IPO11: variants seen among roughly 807,000 people sequenced by gnomAD.
IPO11 encodes importin 11.
IPO11 carries 66 observed loss-of-function variants against 143.2 expected under a neutral mutation model. The ratio of observed to expected loss-of-function variants is 0.46; its 90% CI spans 0.38 to 0.57. The LOEUF (loss-of-function observed/expected upper bound fraction) is 0.57. Ranked by LOEUF, IPO11 falls within the 20% of genes least tolerant of loss-of-function variation. IPO11 has a pLI of 0.00. For synonymous variants in IPO11, 385 were observed against 377.8 expected, an observed-to-expected ratio of 1.02 and a Z score of -0.22; for missense variants, 1,026 against 1,141.0, an observed-to-expected ratio of 0.90 and a Z score of 1.45.
At chr5:62,464,056 T>A (rs765577758) in intron 5 of IPO11, among the ~76,000 whole-genome samples, 1 of 151,650 alleles carries the variant, frequency 6.6e-6, no homozygotes, top group African/African-American at 2.4e-5. Context: ...ACTCCTGACC[T>A]CAGGTGATCC....
chr5:62,459,913 A>G (rs1745297125), intron 5 of IPO11, among the ~76,000 whole-genome samples: 1 of 152,250 alleles, frequency 6.6e-6, no homozygotes, highest in Non-Finnish European at 1.5e-5. Flanking sequence ...TATTGTTAAG[A>G]ATACAGGTGT....
rs537641408 is a variant in IPO11 at position 62,597,431 on chromosome 5, G to A, written c.2679-4333G>A. Among the ~76,000 whole-genome samples, 5 of 152,304 alleles carry A rather than the reference G, an allele frequency of 3.3e-5. No homozygotes were observed. In the South Asian group the frequency reaches 8.3e-4, roughly 25 times the overall value. ...ATTGGTTCACAGTGTCTTCAGGGCT[G>A]TACCTGGTCAGATAATATTTATGAG... On this transcript the variant is annotated intron_variant, in intron 28 of 29. Coordinates refer to ENST00000325324, the MANE Select transcript of IPO11 (RefSeq NM_016338.5).
intron 29 of IPO11, among the ~76,000 whole-genome samples, chr5:62,605,443 C>T (rs756610744): frequency 3.9e-5 from 6 of 152,140 alleles, no homozygotes; most frequent in Non-Finnish European, 8.8e-5. Context: ...TCTCTCTCTA[C>T]CTTTCATTTC....
At position 62,490,377 on chromosome 5, in the gene IPO11, A is replaced by G. The variant is rs186788762; in HGVS notation, c.1463+157A>G. 5.9e-3 allele frequency among the ~76,000 whole-genome samples: 896 copies of G among 152,338 alleles called. 11 individuals are homozygous for G. The highest frequency in any genetic ancestry group is 0.02 in the African/African-American group (843 of 41,574). ...GAAAGGAATAAGAATTTTGACATCTAGGAAGTATTTGATATATCAGGTAGT... is the reference window on the plus strand; with the variant it reads ...GAAAGGAATAAGAATTTTGACATCTGGGAAGTATTTGATATATCAGGTAGT... On this transcript the variant is annotated intron_variant, in intron 15 of 29. Coordinates refer to ENST00000325324, the MANE Select transcript of IPO11 (RefSeq NM_016338.5).
intron 24 of IPO11, among the ~76,000 whole-genome samples, chr5:62,548,804 C>T (rs1214489237): frequency 6.6e-6 from 1 of 152,144 alleles, no homozygotes; most frequent in African/African-American, 2.4e-5. Context: ...CTTTCTCTGA[C>T]TTGAGTCAGT....
At chr5:62,423,543 A>C (rs1037831258) in intron 1 of IPO11, among the ~76,000 whole-genome samples, 2 of 152,224 alleles carry the variant, frequency 1.3e-5, no homozygotes, top group Admixed American at 1.3e-4. Flanking sequence ...ATGAACAGCA[A>C]CTTTAGTGAT....
At chr5:62,487,105 C>A (rs1335633199) in intron 12 of IPO11, among the ~76,000 whole-genome samples, 1 of 151,876 alleles carries the variant, frequency 6.6e-6, no homozygotes, top group African/African-American at 2.4e-5. Flanking sequence ...TGTTTTGATA[C>A]CAGCATGCAA....
At chr5:62,421,092 G>A (rs1580156549) in intron 1 of IPO11, among the ~76,000 whole-genome samples, 1 of 152,170 alleles carries the variant, frequency 6.6e-6, no homozygotes, top group East Asian at 1.9e-4. Context: ...GTTTTTCACT[G>A]TTTGGATTTT....
At chr5:62,484,241 T>G in intron 11 of IPO11, 79 bp downstream of exon 11, 1 of 1,170,958 alleles carries the variant, frequency 8.5e-7, no homozygotes, top group Non-Finnish European at 1.2e-6. Context: ...GGTATAATAT[T>G]GTATTTTCAT....
chr5:62,577,076 T>G (rs1208595700), intron 27 of IPO11, among the ~76,000 whole-genome samples: 1 of 152,192 alleles, frequency 6.6e-6, no homozygotes, highest in Non-Finnish European at 1.5e-5. Flanking sequence ...TGAACATTAG[T>G]AATCAGAAAA....
intron 16 of IPO11, among the ~76,000 whole-genome samples, chr5:62,498,782 A>G (rs1180484895): frequency 2.0e-5 from 3 of 152,216 alleles, no homozygotes; most frequent in Non-Finnish European, 1.5e-5. Flanking sequence ...AGGCAGGAGA[A>G]TTGCTTGAAT....
chr5:62,567,751 A>G (rs1158096521), intron 27 of IPO11, among the ~76,000 whole-genome samples: 1 of 150,976 alleles, frequency 6.6e-6, no homozygotes, highest in Non-Finnish European at 1.5e-5. Context: ...TAGTAGAGAC[A>G]CGGTTTAGCC....
intron 20 of IPO11, 80 bp from the exon 21 acceptor site, chr5:62,526,062 T>G: frequency 1.2e-6 from 1 of 851,564 alleles, no homozygotes; most frequent in Non-Finnish European, 1.9e-6. Context: ...TTTTAGGGCT[T>G]TTTGTATGAT....
intron 28 of IPO11, among the ~76,000 whole-genome samples, chr5:62,600,707 A>T (rs1422969949): frequency 6.6e-6 from 1 of 152,214 alleles, no homozygotes; most frequent in Non-Finnish European, 1.5e-5. Flanking sequence ...AGACAAAAGC[A>T]TTGCAGCCCC....
chr5:62,527,872 A>G (rs1742417555), intron 21 of IPO11, among the ~76,000 whole-genome samples: 1 of 152,220 alleles, frequency 6.6e-6, no homozygotes, highest in African/African-American at 2.4e-5. Context: ...TCAGGCAAAC[A>G]TAGGTGCCAA....
At chr5:62,494,550 T>A (rs914054239) in intron 16 of IPO11, among the ~76,000 whole-genome samples, 1 of 152,148 alleles carries the variant, frequency 6.6e-6, no homozygotes, top group African/African-American at 2.4e-5. Context: ...GGAATTTTTC[T>A]TTCTTTATGG....
At chr5:62,616,505 G>A (rs1425365639) in intron 29 of IPO11, among the ~76,000 whole-genome samples, 2 of 151,932 alleles carry the variant, frequency 1.3e-5, no homozygotes, top group Non-Finnish European at 2.9e-5. Context: ...AGGTCGAGGC[G>A]GGTGGATCAC....
intron 1 of IPO11, among the ~76,000 whole-genome samples, chr5:62,414,607 T>C (rs1743225956): frequency 6.6e-6 from 1 of 152,230 alleles, no homozygotes; most frequent in South Asian, 2.1e-4. Flanking sequence ...ATAAGCTTTG[T>C]AGAGCTTAAG....
intron 27 of IPO11, among the ~76,000 whole-genome samples, chr5:62,587,927 G>T (rs933031022): frequency 3.3e-5 from 5 of 152,184 alleles, no homozygotes; most frequent in African/African-American, 1.2e-4. Flanking sequence ...CATGAGGTCT[G>T]GGAGGGATCA....
Sources: allele counts gnomAD v4.1 joint callset (sites outside exome capture counted in the v4.1 genomes callset), GRCh38; gene constraint gnomAD v4.1.1; transcripts MANE v1.5; gene names NCBI Gene and HGNC (gene_info 2026-07-23, HGNC 2026-07-21).